LSAMP: variants seen among roughly 807,000 people sequenced by gnomAD.
LSAMP encodes the protein limbic system-associated membrane protein.
In LSAMP, 7 loss-of-function variants were observed where a neutral mutation model predicts 38.6. The ratio of observed to expected loss-of-function variants is 0.18; its 90% CI spans 0.10 to 0.34. The LOEUF is 0.34. LSAMP is among the 10% of genes least tolerant of loss of function. The probability of loss-of-function intolerance (pLI) is 1.00; values close to 1 mark genes in which losing one functional copy is unlikely to be tolerated. For missense variants in LSAMP, 313 were observed against 420.0 expected (o/e 0.75, Z 2.23); for synonymous variants, 154 against 166.8 (o/e 0.92, Z 0.59).
intron 1 of LSAMP, among the ~76,000 whole-genome samples, chr3:116,398,240 T>A (rs73861674): frequency 0.017 from 2,636 of 152,214 alleles, 82 homozygotes; most frequent in African/African-American, 0.061. Context: ...TACCTAACAC[T>A]GCTTAGTTAG....
intron 1 of LSAMP, among the ~76,000 whole-genome samples, chr3:116,106,856 C>T (rs943655193): frequency 2.4e-4 from 36 of 152,074 alleles, no homozygotes; most frequent in Non-Finnish European, 3.7e-4. Context: ...GGGGGCAAAT[C>T]CTCGAGCTTG....
rs566457315 is a variant in LSAMP, at chr3:116,070,763, G to A, written c.388+15561C>T. Among the ~76,000 whole-genome samples, 406 of 152,196 alleles carry A rather than the reference G, an allele frequency of 2.7e-3. 1 individual carries two copies. Among genetic ancestry groups the A allele is most frequent in the Non-Finnish European group, 4.0e-3 (272 of 68,022 alleles). Reference sequence around the variant, plus strand: ...CTCTTTTAAAAATAATGTACCTGCCGGGCACGGTGGCTCATGCCTGTAATC... The same window carrying A: ...CTCTTTTAAAAATAATGTACCTGCCAGGCACGGTGGCTCATGCCTGTAATC... On this transcript the variant is annotated intron_variant, in intron 2 of 6. Coordinates refer to ENST00000490035, the MANE Select transcript of LSAMP (RefSeq NM_002338.5).
At chr3:116,402,914 TC>T (rs1256496812) in intron 1 of LSAMP, among the ~76,000 whole-genome samples, 2 of 152,078 alleles carry the variant, frequency 1.3e-5, no homozygotes, top group Admixed American at 1.3e-4. Flanking sequence ...TGAAAACCAC[TC>T]TTGCCTTCAG....
At chr3:116,358,908 G>A (rs1559840869) in intron 1 of LSAMP, among the ~76,000 whole-genome samples, 1 of 152,180 alleles carries the variant, frequency 6.6e-6, no homozygotes, top group Non-Finnish European at 1.5e-5. Flanking sequence ...ATAATATAGA[G>A]TACAAAGAAA....
At chr3:115,913,911 C>G (rs114730059) in intron 3 of LSAMP, among the ~76,000 whole-genome samples, 1 of 151,974 alleles carries the variant, frequency 6.6e-6, no homozygotes, top group South Asian at 2.1e-4. Context: ...ATGTATTAAA[C>G]CCTGTGTAGA....
At chr3:116,076,735 T>C (rs1707752238) in intron 2 of LSAMP, among the ~76,000 whole-genome samples, 1 of 152,296 alleles carries the variant, frequency 6.6e-6, no homozygotes, top group Admixed American at 6.5e-5. Context: ...TTTAATGATA[T>C]TTGTGTTGCC....
intron 3 of LSAMP, among the ~76,000 whole-genome samples, chr3:115,902,981 A>G (rs982725458): frequency 1.3e-5 from 2 of 152,198 alleles, no homozygotes; most frequent in South Asian, 4.1e-4. Context: ...CAATCCCATT[A>G]CTTGGTACAT....
At chr3:116,129,984 A>G (rs373240143) in intron 1 of LSAMP, among the ~76,000 whole-genome samples, 1 of 152,228 alleles carries the variant, frequency 6.6e-6, no homozygotes, top group Non-Finnish European at 1.5e-5. Context: ...AATTCCAGAA[A>G]CAGCAGCCCA....
chr3:116,064,714 A>G (rs1941653000), intron 2 of LSAMP, among the ~76,000 whole-genome samples: 1 of 152,176 alleles, frequency 6.6e-6, no homozygotes, highest in African/African-American at 2.4e-5. Flanking sequence ...AGTTTCTCTT[A>G]ATGGTTACAT....
At chr3:116,182,571 G>A (rs1371990812) in intron 1 of LSAMP, among the ~76,000 whole-genome samples, 1 of 151,566 alleles carries the variant, frequency 6.6e-6, no homozygotes, top group African/African-American at 2.4e-5. Context: ...TTTACATGTG[G>A]GTGAAGAAGG....
chr3:116,268,945 A>C (rs188265729), intron 1 of LSAMP, among the ~76,000 whole-genome samples: 4 of 152,154 alleles, frequency 2.6e-5, no homozygotes, highest in Admixed American at 2.6e-4. Flanking sequence ...CATGTCACTC[A>C]GTGGGCCCAG....
rs1710407088 is a variant in LSAMP, at chr3:116,178,509, A to G, written c.156-91953T>C. ...AAAGCAAGTACATCAGTTAGGAGGC[A>G]ATGATAAATCTAAGCCTTAGTACCT... On this transcript the variant is annotated intron_variant, in intron 1 of 6. Coordinates refer to ENST00000490035, the MANE Select transcript of LSAMP (RefSeq NM_002338.5). Among the ~76,000 whole-genome samples the G allele has an allele frequency of 3.3e-5, 5 of 152,328 alleles. No individual in the cohort carries two copies. The South Asian group carries it at 1.0e-3, about 32-fold the overall frequency.
intron 2 of LSAMP, among the ~76,000 whole-genome samples, chr3:116,038,772 GA>G (rs1221426767): frequency 6.6e-6 from 1 of 152,198 alleles, no homozygotes; most frequent in East Asian, 1.9e-4. Context: ...CAACAGAATA[GA>G]AATATTGCTC....
intron 1 of LSAMP, among the ~76,000 whole-genome samples, chr3:116,159,374 T>C (rs1709829633): frequency 6.6e-6 from 1 of 152,072 alleles, no homozygotes; most frequent in Non-Finnish European, 1.5e-5. Flanking sequence ...ACATTTGATA[T>C]CCAGAATCTA....
chr3:115,874,707 T>C (rs149066704), intron 3 of LSAMP, among the ~76,000 whole-genome samples: 1 of 152,138 alleles, frequency 6.6e-6, no homozygotes, highest in African/African-American at 2.4e-5. Flanking sequence ...AATGTATGTA[T>C]GTACGTTATT....
intron 6 of LSAMP, among the ~76,000 whole-genome samples, chr3:115,828,656 C>A (rs1934507497): frequency 6.6e-6 from 1 of 152,204 alleles, no homozygotes; most frequent in Non-Finnish European, 1.5e-5. Context: ...TTTCATTGAG[C>A]TCCTCTTAGG....
intron 1 of LSAMP, among the ~76,000 whole-genome samples, chr3:116,174,479 C>T (rs1474293605): frequency 2.0e-5 from 3 of 151,920 alleles, no homozygotes; most frequent in Non-Finnish European, 4.4e-5. Context: ...TTATTGTGCT[C>T]ATTCTTTTGG....
chr3:116,167,005 A>G (rs928801632), intron 1 of LSAMP, among the ~76,000 whole-genome samples: 2 of 151,750 alleles, frequency 1.3e-5, no homozygotes, highest in Admixed American at 6.6e-5. Flanking sequence ...GTTAGCCAGG[A>G]TGGTCTTGAT....
chr3:116,188,742 C>A (rs1358871244), intron 1 of LSAMP, among the ~76,000 whole-genome samples: 1 of 152,108 alleles, frequency 6.6e-6, no homozygotes. Flanking sequence ...TACTATATTG[C>A]GGGAATGGGG....
Sources: allele counts gnomAD v4.1 joint callset (sites outside exome capture counted in the v4.1 genomes callset), GRCh38; gene constraint gnomAD v4.1.1; transcripts MANE v1.5; gene names NCBI Gene and HGNC (gene_info 2026-07-23, HGNC 2026-07-21).